ATRX: variants seen among roughly 807,000 people sequenced by gnomAD.
The protein encoded by ATRX is ATRX chromatin remodeler, also known as chromatin remodeler ATRX.
ATRX carries 12 observed loss-of-function variants against 172.6 expected under a neutral mutation model. That is an observed-to-expected ratio of 0.07 (90% CI 0.04 to 0.11). The LOEUF (loss-of-function observed/expected upper bound fraction) is 0.11, where lower values mean the gene tolerates loss of function less well. Among genes scored for constraint, ATRX ranks in the 10% least tolerant of loss-of-function variants. The pLI, the probability that ATRX is intolerant of heterozygous loss-of-function variation, is 1.00. For missense variants in ATRX, 1,368 were observed against 1,767.4 expected (o/e 0.77, Z 4.05); for synonymous variants, 674 against 594.7 (o/e 1.13, Z -1.94).
intron 27 of ATRX, among the ~76,000 whole-genome samples, chrX:77,582,792 C>A (rs1317536988): frequency 9.0e-6 from 1 of 111,359 alleles, no homozygotes; most frequent in Non-Finnish European, 1.9e-5. Context: ...AAGATTGAAC[C>A]GTGAAGAAGT....
Position 77,510,695 on chromosome X carries a change from G to A in ATRX, c.7201-2066C>T, listed in dbSNP as rs782447556. ...CCTGGGGTGCTAGTGGTCACAGGGA[G>A]AGACTCCTTTGCTTGTGAAAAGCGG... On this transcript the variant is annotated intron_variant, in intron 34 of 34. Transcript: ENST00000373344. 2.7e-5 allele frequency among the ~76,000 whole-genome samples: 3 copies of A among 112,197 alleles called. No individual in the cohort carries two copies. The Admixed American group carries it at 2.8e-4, about 11-fold the overall frequency.
chrX:77,712,506 G>A (rs1265792036), intron 2 of ATRX, among the ~76,000 whole-genome samples: 2 of 112,335 alleles, frequency 1.8e-5, no homozygotes, highest in Non-Finnish European at 3.8e-5. Context: ...TGGGTACAAT[G>A]AGGACTAGAA....
intron 34 of ATRX, among the ~76,000 whole-genome samples, chrX:77,511,642 A>C (rs1428273391): frequency 8.9e-6 from 1 of 112,132 alleles, no homozygotes; most frequent in Non-Finnish European, 1.9e-5. Flanking sequence ...AATCAAGCAG[A>C]AATTCTGGAG....
chrX:77,727,264 C>T (rs1468113552), intron 1 of ATRX, among the ~76,000 whole-genome samples: 1 of 111,788 alleles, frequency 8.9e-6, no homozygotes, highest in Non-Finnish European at 1.9e-5. Flanking sequence ...TTGTGGAAGA[C>T]AGTGTGACGA....
At chrX:77,606,618 C>G (rs1033729139) in intron 22 of ATRX, among the ~76,000 whole-genome samples, 2 of 110,709 alleles carry the variant, frequency 1.8e-5, no homozygotes, top group Non-Finnish European at 3.8e-5. Flanking sequence ...AGGGATGCAA[C>G]GATGGCTCAG....
intron 12 of ATRX, among the ~76,000 whole-genome samples, chrX:77,657,907 G>A (rs1297369227): frequency 8.9e-6 from 1 of 112,039 alleles, no homozygotes. Context: ...TTAACCGTGA[G>A]AGTAATAAGA....
chrX:77,607,734 G>T lies in ATRX; in HGVS notation c.5567-7170C>A, dbSNP rs1557091624. ...AAAAAAAAAAAAAAAAAAAAAAGAA[G>T]TAAAAGAACTCTACAATGAAAAATA... is the stretch of plus-strand genomic sequence containing the variant. On this transcript the variant is annotated intron_variant, in intron 22 of 34. Coordinates refer to ENST00000373344, the MANE Select transcript of ATRX (RefSeq NM_000489.6). Among the ~76,000 whole-genome samples, 7 of 96,720 alleles carry T rather than the reference G, an allele frequency of 7.2e-5. No homozygotes were observed. In the South Asian group the frequency reaches 3.4e-3, roughly 47 times the overall value. The allele number at this position is 96,720 out of a possible 115,157, so 84.0% of individuals were successfully genotyped here. A position where few individuals can be genotyped will look rare whatever the true frequency, so the allele number is the denominator to read the frequency against.
intron 1 of ATRX, among the ~76,000 whole-genome samples, chrX:77,758,693 G>A (rs782553998): frequency 3.2e-4 from 35 of 110,684 alleles, no homozygotes; most frequent in Admixed American, 6.8e-4. Flanking sequence ...AGGAGGCGGA[G>A]GTTGCAGTGA....
rs961159519 is a variant in ATRX, at chrX:77,616,785, A to G, written c.5449-55T>C. On this transcript the variant is annotated intron_variant, in intron 21 of 34. Coordinates refer to ENST00000373344, the MANE Select transcript of ATRX (RefSeq NM_000489.6). The stretch of plus-strand genomic sequence containing the variant: ...TAATCTAAATATTTAACAGGAATGA[A>G]CTACAAGTTCTCATTGCTTATAACT... 39 of 865,760 alleles carry G rather than the reference A, an allele frequency of 4.5e-5. No homozygotes were observed. In the African/African-American group the frequency reaches 7.1e-4, roughly 16 times the overall value. 71.3% of individuals were successfully genotyped at this position (865,760 alleles called of 1,213,427 possible).
At chrX:77,608,221 T>C (rs2066999874) in intron 22 of ATRX, among the ~76,000 whole-genome samples, 1 of 108,546 alleles carries the variant, frequency 9.2e-6, no homozygotes, top group Non-Finnish European at 1.9e-5. Context: ...TACGAAAAAT[T>C]AGTCCAGCAC....
At chrX:77,588,982 C>A (rs1346610904) in intron 27 of ATRX, among the ~76,000 whole-genome samples, 1 of 112,052 alleles carries the variant, frequency 8.9e-6, no homozygotes, top group African/African-American at 3.2e-5. Flanking sequence ...CAAGTGTTGA[C>A]AAGAATGTGG....
At position 77,746,820 on chromosome X, in the gene ATRX, A is replaced by AT. The variant is rs2075097098; in HGVS notation, c.21-29578dup. ...TTTTTTGAAAAACCCTTTTTTTGAGATGGAGTCTTGCTCTGTGGCCCAGGC... is the reference window on the plus strand; with the variant it reads ...TTTTTTGAAAAACCCTTTTTTTGAGATTGGAGTCTTGCTCTGTGGCCCAGGC... On this transcript the variant is annotated intron_variant, in intron 1 of 34. Coordinates refer to ENST00000373344, the MANE Select transcript of ATRX (RefSeq NM_000489.6). 3.6e-5 allele frequency among the ~76,000 whole-genome samples: 4 copies of AT among 111,350 alleles called. No homozygotes were observed. In the South Asian group the frequency reaches 1.5e-3, roughly 42 times the overall value.
chrX:77,537,841 G>A (rs2063807337), intron 30 of ATRX, among the ~76,000 whole-genome samples: 1 of 110,951 alleles, frequency 9.0e-6, no homozygotes, highest in South Asian at 3.8e-4. Flanking sequence ...TACCTGTCCT[G>A]AATATATATA....
intron 1 of ATRX, among the ~76,000 whole-genome samples, chrX:77,772,074 C>T (rs2076168615): frequency 9.0e-6 from 1 of 110,668 alleles, no homozygotes; most frequent in Non-Finnish European, 1.9e-5. Context: ...GCGGGCGGAT[C>T]ACCTGAGGTC....
intron 28 of ATRX, among the ~76,000 whole-genome samples, chrX:77,568,990 C>T (rs1339470120): frequency 1.8e-5 from 2 of 111,180 alleles, no homozygotes; most frequent in African/African-American, 6.5e-5. Flanking sequence ...TACAACATGG[C>T]TGTGCATTCC....
chrX:77,557,565 C>T lies in ATRX; in HGVS notation c.6585G>A (p.Val2195=). Residue 2195 remains valine, a synonymous_variant, in exon 30 of 35, where the codon GTG becomes GTA. Coordinates refer to ENST00000373344, the MANE Select transcript of ATRX (RefSeq NM_000489.6). ...LSFRVVDQQQ[V]ERHFTMNELT... is the part of the protein sequence containing the mutation. ...GCTCATTCATAGTAAAATGACGCTC[C>T]ACCTGCTGCTGATCAACAACTCGAA... 8.3e-7 allele frequency: 1 copy of T among 1,208,354 alleles called. No homozygotes were observed. Among genetic ancestry groups the T allele is most frequent in the Non-Finnish European group, 1.1e-6 (1 of 893,937 alleles).
At chrX:77,641,695 A>T (rs2068666634) in intron 15 of ATRX, among the ~76,000 whole-genome samples, 1 of 111,141 alleles carries the variant, frequency 9.0e-6, no homozygotes, top group Admixed American at 9.6e-5. Context: ...AAATTATAGT[A>T]CACTGTAATT....
At chrX:77,576,892 G>GATC (rs1207997052) in intron 27 of ATRX, among the ~76,000 whole-genome samples, 1 of 111,679 alleles carries the variant, frequency 9.0e-6, no homozygotes, top group Non-Finnish European at 1.9e-5. Context: ...GACTGGCTTA[G>GATC]ATCACTTGGC....
chrX:77,724,728 T>C (rs1557171544), intron 1 of ATRX, among the ~76,000 whole-genome samples: 2 of 111,863 alleles, frequency 1.8e-5, no homozygotes, highest in East Asian at 2.8e-4. Context: ...TCCCAACATA[T>C]CATCAGGAAT....
Sources: allele counts gnomAD v4.1 joint callset (sites outside exome capture counted in the v4.1 genomes callset), GRCh38; gene constraint gnomAD v4.1.1; transcripts MANE v1.5; gene names NCBI Gene and HGNC (gene_info 2026-07-23, HGNC 2026-07-21).